FHOD3: variants seen among roughly 807,000 people sequenced by gnomAD.
FHOD3 encodes formin homology 2 domain containing 3.
Under a neutral mutation model 173.0 loss-of-function variants are expected in FHOD3, and 90 were observed. That is an observed-to-expected ratio of 0.52 (90% CI 0.44 to 0.62). The LOEUF (loss-of-function observed/expected upper bound fraction) is 0.62. Among genes scored for constraint, FHOD3 ranks in the 20% least tolerant of loss-of-function variants. FHOD3 has a pLI of 0.00. For missense variants in FHOD3, 1,945 were observed against 2,034.7 expected, an observed-to-expected ratio of 0.96 and a Z score of 0.85; for synonymous variants, 828 against 823.0, an observed-to-expected ratio of 1.01 and a Z score of -0.10.
chr18:36,750,696 A>G (rs1205717480), intron 24 of FHOD3, among the ~76,000 whole-genome samples: 1 of 152,144 alleles, frequency 6.6e-6, no homozygotes, highest in East Asian at 1.9e-4. Context: ...TCCAATCTTC[A>G]ACATTTGACT....
chr18:36,540,748 A>C (rs1325908106), intron 5 of FHOD3, among the ~76,000 whole-genome samples: 1 of 152,108 alleles, frequency 6.6e-6, no homozygotes, highest in Non-Finnish European at 1.5e-5. Context: ...CCTTATACCA[A>C]TTCCTGGGCC....
intron 5 of FHOD3, among the ~76,000 whole-genome samples, chr18:36,564,464 C>T (rs1400654617): frequency 6.6e-6 from 1 of 152,044 alleles, no homozygotes; most frequent in Non-Finnish European, 1.5e-5. Context: ...CTGCTACAGC[C>T]CAGCAGTAAT....
chr18:36,571,740 A>G (rs1042021915), intron 5 of FHOD3, among the ~76,000 whole-genome samples: 4 of 152,258 alleles, frequency 2.6e-5, no homozygotes, highest in African/African-American at 9.6e-5. Context: ...TGCCAAAGCA[A>G]TGAAATAGAA....
intron 3 of FHOD3, among the ~76,000 whole-genome samples, chr18:36,472,606 A>C (rs1397307997): frequency 6.6e-6 from 1 of 152,188 alleles, no homozygotes; most frequent in African/African-American, 2.4e-5. Flanking sequence ...CCACTGATCT[A>C]CTTCTGTCTC....
intron 5 of FHOD3, among the ~76,000 whole-genome samples, chr18:36,560,437 A>T (rs979415991): frequency 2.0e-5 from 3 of 152,150 alleles, no homozygotes; most frequent in Admixed American, 6.5e-5. Context: ...CTCAAACACA[A>T]GTTTCTTTGG....
intron 1 of FHOD3, among the ~76,000 whole-genome samples, chr18:36,345,292 TA>T (rs533070185): frequency 6.6e-6 from 1 of 152,228 alleles, no homozygotes; most frequent in Non-Finnish European, 1.5e-5. Flanking sequence ...GGAAATTACT[TA>T]ATATACTTTT....
intron 4 of FHOD3, among the ~76,000 whole-genome samples, chr18:36,511,380 T>C (rs2055639320): frequency 6.6e-6 from 1 of 151,582 alleles, no homozygotes; most frequent in East Asian, 1.9e-4. Context: ...TTTTCTTTTC[T>C]TTTTGCCACT....
At chr18:36,633,047 T>G (rs2034626467) in intron 10 of FHOD3, among the ~76,000 whole-genome samples, 1 of 152,226 alleles carries the variant, frequency 6.6e-6, no homozygotes, top group Non-Finnish European at 1.5e-5. Flanking sequence ...TTCCCTTAGG[T>G]GGGCTGTCCG....
chr18:36,716,102 G>A (rs576433623), intron 18 of FHOD3, among the ~76,000 whole-genome samples: 1 of 152,354 alleles, frequency 6.6e-6, no homozygotes, highest in African/African-American at 2.4e-5. Context: ...GAACGTTGGT[G>A]CTGTTAAAAG....
At position 36,693,414 on chromosome 18, in the gene FHOD3, C is replaced by A; in HGVS notation, c.2227C>A (p.His743Asn). ...TGCCTCCTCCCCAGGAACCCCTCAC[C>A]ATCCCCAAGGTGAGTACAGGGAGAG... The part of the protein sequence containing the change: ...VSASSPGTPH[H>N]PQASAGDPEP... The change falls in exon 17 of 29, where the codon CAT (histidine) becomes AAT (asparagine). Residue 743 changes from histidine (H) to asparagine (N), a missense_variant. Physicochemically the swap from His to Asn is moderately conservative, Grantham distance 68 (BLOSUM62 1). Coordinates refer to ENST00000590592, the MANE Select transcript of FHOD3 (RefSeq NM_001281740.3). 2 of 1,613,552 alleles carry A rather than the reference C, an allele frequency of 1.2e-6. No individual in the cohort carries two copies. The highest frequency in any genetic ancestry group is 1.1e-5 in the South Asian group (1 of 90,956).
chr18:36,597,864 G>A (rs1281431918), intron 7 of FHOD3, among the ~76,000 whole-genome samples: 2 of 151,634 alleles, frequency 1.3e-5, no homozygotes, highest in African/African-American at 4.8e-5. Context: ...CTTATCATGT[G>A]TGGCTCAATA....
chr18:36,582,131 A>G (rs2058874955), intron 6 of FHOD3, among the ~76,000 whole-genome samples: 1 of 152,212 alleles, frequency 6.6e-6, no homozygotes, highest in Admixed American at 6.5e-5. Context: ...AACTTTGGAC[A>G]CACTGGTTTG....
intron 3 of FHOD3, among the ~76,000 whole-genome samples, chr18:36,390,574 C>T (rs537631753): frequency 1.3e-5 from 2 of 152,260 alleles, no homozygotes; most frequent in South Asian, 2.1e-4. Flanking sequence ...GGATTTTTTT[C>T]AGAAAACACT....
chr18:36,480,702 C>T (rs906959633), intron 3 of FHOD3, among the ~76,000 whole-genome samples: 8 of 152,228 alleles, frequency 5.3e-5, no homozygotes, highest in Admixed American at 2.0e-4. Flanking sequence ...AATAGCATTT[C>T]GTCCTTAATT....
intron 5 of FHOD3, among the ~76,000 whole-genome samples, chr18:36,513,200 TAACA>T (rs1341081151): frequency 4.2e-5 from 6 of 142,276 alleles, no homozygotes; most frequent in South Asian, 2.2e-4. Flanking sequence ...AAAAAACAAA[TAACA>T]AACCTGTGCA....
chr18:36,366,681 G>A (rs1409500569), intron 2 of FHOD3, among the ~76,000 whole-genome samples: 1 of 152,170 alleles, frequency 6.6e-6, no homozygotes, highest in Non-Finnish European at 1.5e-5. Context: ...GAGCTTCTGG[G>A]CAAGTTAATC....
intron 3 of FHOD3, among the ~76,000 whole-genome samples, chr18:36,392,925 C>T (rs2048370035): frequency 6.6e-6 from 1 of 152,182 alleles, no homozygotes; most frequent in South Asian, 2.1e-4. Flanking sequence ...GTGACATGGC[C>T]AAAGTGAAGC....
chr18:36,469,436 G>A (rs529310555), intron 3 of FHOD3, among the ~76,000 whole-genome samples: 2 of 142,334 alleles, frequency 1.4e-5, no homozygotes, highest in South Asian at 5.0e-4. Context: ...AGGTGGGGTG[G>A]GGGCTGCAGA....
At chr18:36,454,938 T>C (rs2052087964) in intron 3 of FHOD3, among the ~76,000 whole-genome samples, 1 of 152,202 alleles carries the variant, frequency 6.6e-6, no homozygotes, top group South Asian at 2.1e-4. Flanking sequence ...TTGCTCCCAC[T>C]TAGATTTCAC....
Sources: allele counts gnomAD v4.1 joint callset (sites outside exome capture counted in the v4.1 genomes callset), GRCh38; gene constraint gnomAD v4.1.1; transcripts MANE v1.5; gene names NCBI Gene and HGNC (gene_info 2026-07-23, HGNC 2026-07-21).